The following GPHN variants were observed in gnomAD, a reference collection of about 807,000 sequenced individuals.
GPHN encodes the protein gephyrin.
In GPHN, 17 loss-of-function variants were observed where a neutral mutation model predicts 95.5. That is an observed-to-expected ratio of 0.18 (90% confidence interval 0.12 to 0.27). The LOEUF (loss-of-function observed/expected upper bound fraction) is 0.27. Ranked by LOEUF, GPHN falls within the 10% of genes least tolerant of loss-of-function variation. GPHN has a pLI of 1.00. For missense variants in GPHN, 660 were observed against 978.1 expected (o/e 0.67, Z 4.34); for synonymous variants, 320 against 322.5 (o/e 0.99, Z 0.08).
At chr14:66,534,521 T>C (rs1001903356) in intron 1 of GPHN, among the ~76,000 whole-genome samples, 21 of 152,202 alleles carry the variant, frequency 1.4e-4, no homozygotes, top group African/African-American at 5.1e-4. Context: ...ATTTGAATTG[T>C]TTCTAATTTT....
chr14:67,573,886 A>G, the GPHN span: 2 of 1,608,130 alleles, frequency 1.2e-6, no homozygotes, highest in South Asian at 2.2e-5. This position sits in a 1 kb window ranked among gnomAD's most constrained non-coding sequence, Gnocchi z 4.8. Context: ...CAGACGTTTC[A>G]GGTGAGCACG....
chr14:66,939,238 A>G (rs2067281043), intron 8 of GPHN, among the ~76,000 whole-genome samples: 1 of 152,158 alleles, frequency 6.6e-6, no homozygotes. Flanking sequence ...AACAGAGAAA[A>G]AGGCAGTCCA....
chr14:66,508,721 C>G, intron 1 of GPHN, 130 bp downstream of exon 1: 1 of 822,988 alleles, frequency 1.2e-6, no homozygotes, highest in Non-Finnish European at 2.1e-6. Flanking sequence ...CGCGGGGGTG[C>G]ATTTTACAAC....
chr14:67,604,122 A>G, the GPHN span, among the ~76,000 whole-genome samples: 3 of 152,130 alleles, frequency 2.0e-5, no homozygotes, highest in Non-Finnish European at 4.4e-5. Flanking sequence ...CCTCCCAAGT[A>G]GCTGGGATTA....
At chr14:66,808,538 C>T (rs143855116) in intron 3 of GPHN, among the ~76,000 whole-genome samples, 1,845 of 152,302 alleles carry the variant, frequency 0.012, 19 homozygotes, top group Non-Finnish European at 0.018. Context: ...CGGTGGCTCA[C>T]GCCTGTAATC....
intron 1 of GPHN, among the ~76,000 whole-genome samples, chr14:66,619,491 T>TG (rs1450653239): frequency 2.6e-5 from 4 of 151,780 alleles, no homozygotes; most frequent in African/African-American, 4.8e-5. Context: ...TTCTCAGGTT[T>TG]TTTTTTTTTT....
chr14:67,482,702 A>G, the GPHN span, among the ~76,000 whole-genome samples: 1 of 152,318 alleles, frequency 6.6e-6, no homozygotes, highest in Non-Finnish European at 1.5e-5. Context: ...TGTTGTCATC[A>G]AGTTAGCAGG....
At chr14:67,178,074 A>G (rs949572125) in intron 21 of GPHN, among the ~76,000 whole-genome samples, 1 of 152,140 alleles carries the variant, frequency 6.6e-6, no homozygotes, top group Non-Finnish European at 1.5e-5. Context: ...TAAGGTTAAT[A>G]TTGTTATGTG....
At position 66,592,099 on chromosome 14, in the gene GPHN, T is replaced by C. The variant is rs145146707; in HGVS notation, c.64+83508T>C. 1.5e-3 allele frequency among the ~76,000 whole-genome samples: 229 copies of C among 152,252 alleles called. 1 individual carries two copies. The highest frequency in any genetic ancestry group is 3.4e-3 in the Middle Eastern group (1 of 294). On this transcript the variant is annotated intron_variant, in intron 1 of 22. Transcript: ENST00000478722. ...TGGTGTTGGGAAAACTGGCTAGCCA[T>C]ATGCATAAAAGTGAAACTAGACTCC...
chr14:67,106,273 A>C, intron 13 of GPHN, among the ~76,000 whole-genome samples: 1 of 152,142 alleles, frequency 6.6e-6, no homozygotes, highest in East Asian at 1.9e-4. Flanking sequence ...TGTTAGTCTA[A>C]TGTGGATTTC....
the GPHN span, among the ~76,000 whole-genome samples, chr14:67,504,890 CAAAACAAAACAAAAACA>C: frequency 6.6e-6 from 1 of 151,684 alleles, no homozygotes; most frequent in Non-Finnish European, 1.5e-5. Flanking sequence ...CCGTCTCAAA[CAAAACAAAACAAAAACA>C]AAAACAAAAA....
chr14:66,771,228 C>T (rs1021559053), intron 2 of GPHN, among the ~76,000 whole-genome samples: 1 of 152,168 alleles, frequency 6.6e-6, no homozygotes, highest in African/African-American at 2.4e-5. Flanking sequence ...AATCTTTGAT[C>T]ACCGTGGACC....
chr14:66,670,439 A>G (rs193044461), intron 1 of GPHN, among the ~76,000 whole-genome samples: 29 of 152,302 alleles, frequency 1.9e-4, no homozygotes, highest in African/African-American at 6.0e-4. Flanking sequence ...AGAAATTACA[A>G]TATTAACTGG....
the GPHN span, chr14:67,397,725 C>T: frequency 6.2e-7 from 1 of 1,613,600 alleles, no homozygotes; most frequent in South Asian, 1.1e-5. Flanking sequence ...GGATCCGGCC[C>T]TTGGGAGGGG....
At chr14:66,884,663 G>A (rs2064099836) in intron 5 of GPHN, among the ~76,000 whole-genome samples, 2 of 151,516 alleles carry the variant, frequency 1.3e-5, no homozygotes, top group Non-Finnish European at 2.9e-5. Context: ...ATACACTGAA[G>A]AATGATTTGT....
chr14:67,654,318 CTCGCTCTAGAGATGAG>C, the GPHN span, among the ~76,000 whole-genome samples: 2 of 512 alleles, frequency 3.9e-3, no homozygotes, highest in Non-Finnish European at 9.7e-3. Context: ...GAGATGAGGT[CTCGCTCTAGAGATGAG>C]GTCTCGCTAT....
At chr14:67,394,872 C>T in the GPHN span, among the ~76,000 whole-genome samples, 28 of 152,178 alleles carry the variant, frequency 1.8e-4, no homozygotes, top group Non-Finnish European at 2.8e-4. Context: ...GAAGAGAGAT[C>T]GGAGCAAGCA....
chr14:67,071,702 G>A lies in GPHN; in HGVS notation c.1144+12916G>A, dbSNP rs112216060. Reference sequence around the variant, plus strand: ...ACCTTGGCCTAAATTGCCCTATGTCGCAATCAGGTAGACTGATCTTCCTTT... The same window carrying A: ...ACCTTGGCCTAAATTGCCCTATGTCACAATCAGGTAGACTGATCTTCCTTT... On this transcript the variant is annotated intron_variant, in intron 11 of 22. Transcript: ENST00000478722. 1.6e-3 allele frequency among the ~76,000 whole-genome samples: 237 copies of A among 151,540 alleles called. 2 individuals carry two copies. Among genetic ancestry groups the A allele is most frequent in the African/African-American group, 4.5e-3 (187 of 41,326 alleles).
At chr14:67,201,490 A>T in the GPHN span, 2 of 455,974 alleles carry the variant, frequency 4.4e-6, no homozygotes, top group African/African-American at 2.0e-5. Context: ...GCAGTAGAAG[A>T]TATTCATCTC....
Sources: gnomAD v4.1 joint callset for allele counts (sites outside exome capture counted in the v4.1 genomes callset) on GRCh38, gnomAD v4.1.1 for gene constraint, Gnocchi (gnomAD v3.1) non-coding constraint, MANE v1.5 for transcripts, NCBI Gene and HGNC (gene_info 2026-07-23, HGNC 2026-07-21) for gene names.